LEPR: variants seen among roughly 807,000 people sequenced by gnomAD.
LEPR encodes OB receptor.
LEPR carries 56 observed loss-of-function variants against 114.7 expected under a neutral mutation model. That is an observed-to-expected ratio of 0.49 (90% CI 0.39 to 0.61). The LOEUF (loss-of-function observed/expected upper bound fraction) is 0.61. LEPR is among the 20% of genes least tolerant of loss of function. The probability of loss-of-function intolerance (pLI) is 0.00; values close to 1 mark genes in which losing one functional copy is unlikely to be tolerated. For synonymous variants in LEPR, 443 were observed against 461.4 expected, an observed-to-expected ratio of 0.96 and a Z score of 0.51; for missense variants, 1,202 against 1,352.9, an observed-to-expected ratio of 0.89 and a Z score of 1.75.
chr1:65,571,799 A>C lies in LEPR; in HGVS notation c.371-527A>C, dbSNP rs1314054350. 5.4e-3 allele frequency among the ~76,000 whole-genome samples: 579 copies of C among 107,314 alleles called. 2 individuals carry two copies. Among genetic ancestry groups the C allele is most frequent in the African/African-American group, 0.017 (558 of 32,446 alleles). 70.4% of individuals were successfully genotyped at this position (107,314 alleles called of 152,430 possible). On this transcript the variant is annotated intron_variant, in intron 4 of 19. Transcript: ENST00000349533. ...TGAAACCCCATCTCTACCAAAAAAA[A>C]AAAAAAAAAAAAAAAAAAAAATTAA...
At chr1:65,559,940 T>C (rs1653185849) in intron 2 of LEPR, among the ~76,000 whole-genome samples, 1 of 145,252 alleles carries the variant, frequency 6.9e-6, no homozygotes, top group African/African-American at 2.6e-5. Context: ...ACCATGCTGT[T>C]TTGGTTACTG....
At chr1:65,470,467 T>G (rs1020428633) in intron 2 of LEPR, among the ~76,000 whole-genome samples, 5 of 152,360 alleles carry the variant, frequency 3.3e-5, no homozygotes, top group African/African-American at 1.2e-4. Context: ...CTAATCTCAT[T>G]TTCATTATGT....
At position 65,520,613 on chromosome 1, in the gene LEPR, G is replaced by A. The variant is rs570883239; in HGVS notation, c.-20-44933G>A. ...TCGGCTGGGGAGACCCTAACCCAGCGGCGCTAGAAGAATTAAAGACACACA... is the reference window on the plus strand; with the variant it reads ...TCGGCTGGGGAGACCCTAACCCAGCAGCGCTAGAAGAATTAAAGACACACA... On this transcript the variant is annotated intron_variant, in intron 2 of 19. Transcript: ENST00000349533. Among the ~76,000 whole-genome samples the A allele has an allele frequency of 1.1e-4, 16 of 152,240 alleles. No individual in the cohort carries two copies. In the South Asian group the frequency reaches 2.7e-3, roughly 26 times the overall value.
intron 2 of LEPR, among the ~76,000 whole-genome samples, chr1:65,480,330 T>C (rs1647208582): frequency 6.6e-6 from 1 of 152,068 alleles, no homozygotes; most frequent in Admixed American, 6.6e-5. Context: ...CAGAAAAATA[T>C]TTAAGAAATA....
At chr1:65,424,185 G>A (rs926706418) in intron 1 of LEPR, among the ~76,000 whole-genome samples, 6 of 152,170 alleles carry the variant, frequency 3.9e-5, no homozygotes, top group Non-Finnish European at 7.3e-5. Flanking sequence ...TCCTACTCCC[G>A]CAGAGACTAG....
chr1:65,421,593 A>AC, intron 1 of LEPR: 3 of 1,001,276 alleles, frequency 3.0e-6, no homozygotes, highest in Non-Finnish European at 3.0e-6. Flanking sequence ...TGTAGATAGT[A>AC]TATATACGAG....
At chr1:65,508,386 T>C (rs1648865595) in intron 2 of LEPR, among the ~76,000 whole-genome samples, 1 of 152,142 alleles carries the variant, frequency 6.6e-6, no homozygotes, top group Non-Finnish European at 1.5e-5. Flanking sequence ...TAATGGTACA[T>C]TTTGATTATT....
At position 65,621,463 on chromosome 1, in the gene LEPR, T is replaced by G. The variant is rs1003535696; in HGVS notation, c.2597+5T>G. The G allele has an allele frequency of 1.2e-6, 2 of 1,609,872 alleles. No homozygotes were observed. The highest frequency in any genetic ancestry group is 2.7e-5 in the African/African-American group (2 of 74,946). Reference sequence around the variant, plus strand: ...ATTATTAATATCACACCAAAGGTATTGTACTTGAGGTTAAGAATCTTTACG... The same window carrying G: ...ATTATTAATATCACACCAAAGGTATGGTACTTGAGGTTAAGAATCTTTACG... On this transcript the variant is annotated splice_donor_5th_base_variant and intron_variant, in intron 18 of 19. Coordinates refer to ENST00000349533, the MANE Select transcript of LEPR (RefSeq NM_002303.6).
Position 65,440,359 on chromosome 1 carries a change from CT to C in LEPR, c.-21+14994del, listed in dbSNP as rs538956174. Among the ~76,000 whole-genome samples the C allele has an allele frequency of 3.5e-3, 497 of 142,320 alleles. 1 individual carries two copies. The highest frequency in any genetic ancestry group is 4.3e-3 in the Non-Finnish European group (282 of 64,962). 93.4% of individuals were successfully genotyped at this position (142,320 alleles called of 152,430 possible). A position where few individuals can be genotyped will look rare whatever the true frequency, so the allele number is the denominator to read the frequency against. On this transcript the variant is annotated intron_variant, in intron 2 of 19. Transcript: ENST00000349533. ...AAACCCCCAGCCCCCATGGTGCTTA[CT>C]TTTTTTTTTTTTGGTAGGGAAGCAA...
At position 65,598,712 on chromosome 1, in the gene LEPR, G is replaced by A. The variant is rs1447617648; in HGVS notation, c.902G>A (p.Gly301Glu). 6.2e-7 allele frequency: 1 copy of A among 1,613,492 alleles called. No homozygotes were observed. The highest frequency in any genetic ancestry group is 1.7e-5 in the Admixed American group (1 of 59,968). Residue 301 changes from glycine to glutamate, a missense_variant, in exon 8 of 20, where the codon GGG becomes GAG. By Grantham distance (98) the Gly-to-Glu change is moderately conservative (BLOSUM62 -2). Coordinates refer to ENST00000349533, the MANE Select transcript of LEPR (RefSeq NM_002303.6). ...TSLLVDSILP[G>E]SSYEVQVRGK... ...CTGCTAGTAGACAGTATACTTCCTG[G>A]GTCTTCGTATGAGGTTCAGGTGAGG...
intron 2 of LEPR, among the ~76,000 whole-genome samples, chr1:65,534,730 A>G (rs559683400): frequency 3.9e-5 from 6 of 152,344 alleles, no homozygotes; most frequent in East Asian, 1.9e-4. Context: ...AATACTGTCT[A>G]TAAAGTTTGT....
At chr1:65,592,501 C>T (rs1570769467) in intron 5 of LEPR, among the ~76,000 whole-genome samples, 156 bp from the exon 6 acceptor site, 1 of 135,864 alleles carries the variant, frequency 7.4e-6, no homozygotes, top group African/African-American at 2.7e-5. Context: ...TAATCTTTAT[C>T]TTTGTTTTTC....
intron 2 of LEPR, among the ~76,000 whole-genome samples, chr1:65,452,313 A>G (rs1018771301): frequency 6.7e-6 from 1 of 150,274 alleles, no homozygotes; most frequent in Non-Finnish European, 1.5e-5. Context: ...TTCCAACACT[A>G]TGTTGAATAG....
Position 65,636,964 on chromosome 1 carries a change from T to C in LEPR, c.3447T>C (p.Ser1149=). Residue 1149 remains serine, a synonymous_variant, in exon 20 of 20, where the codon TCT becomes TCC. Transcript: ENST00000349533. ...ASYMPQFQTC[S]TQTHKIMENK... Reference sequence around the variant, plus strand: ...ACATGCCTCAATTCCAAACTTGTTCTACTCAGACTCATAAGATCATGGAAA... The same window carrying C: ...ACATGCCTCAATTCCAAACTTGTTCCACTCAGACTCATAAGATCATGGAAA... The C allele has an allele frequency of 6.2e-7, 1 of 1,611,904 alleles. No homozygotes were observed.
chr1:65,623,928 C>T (rs1658038196), intron 19 of LEPR, among the ~76,000 whole-genome samples: 1 of 152,140 alleles, frequency 6.6e-6, no homozygotes, highest in African/African-American at 2.4e-5. Flanking sequence ...GAAGATCTTG[C>T]TCTAGGCCCT....
intron 2 of LEPR, among the ~76,000 whole-genome samples, chr1:65,533,091 A>G (rs1650516896): frequency 6.6e-6 from 1 of 152,194 alleles, no homozygotes; most frequent in Non-Finnish European, 1.5e-5. Flanking sequence ...TTAGAAATGC[A>G]TCATTTAAAA....
At chr1:65,482,129 C>CACAT (rs1267394285) in intron 2 of LEPR, among the ~76,000 whole-genome samples, 2 of 151,572 alleles carry the variant, frequency 1.3e-5, no homozygotes, top group African/African-American at 2.4e-5. Flanking sequence ...CACATACACA[C>CACAT]ACACACACAC....
At chr1:65,455,654 T>A (rs1315720955) in intron 2 of LEPR, among the ~76,000 whole-genome samples, 5 of 152,222 alleles carry the variant, frequency 3.3e-5, no homozygotes, top group Non-Finnish European at 7.3e-5. Context: ...GATCTCCAGC[T>A]GCGTGCTGGG....
rs182328434 is a variant in LEPR, at chr1:65,536,434, A to C, written c.-20-29112A>C. Among the ~76,000 whole-genome samples the C allele has an allele frequency of 1.4e-3, 208 of 152,258 alleles. 3 individuals are homozygous for C. The highest frequency in any genetic ancestry group is 5.1e-4 in the Non-Finnish European group (35 of 67,996). ...AGCCAAGAAACCTTTTTTCTTCATA[A>C]ATTACCCAGTCTCAGGTTTTCCTTT... On this transcript the variant is annotated intron_variant, in intron 2 of 19. Transcript: ENST00000349533.
Sources: allele counts gnomAD v4.1 joint callset (sites outside exome capture counted in the v4.1 genomes callset), GRCh38; gene constraint gnomAD v4.1.1; transcripts MANE v1.5; gene names NCBI Gene and HGNC (gene_info 2026-07-23, HGNC 2026-07-21).